CSMD2: variants seen among roughly 807,000 people sequenced by gnomAD.
CSMD2 encodes the protein CUB and Sushi multiple domains 2.
CSMD2 carries 130 observed loss-of-function variants against 398.5 expected under a neutral mutation model. That is an observed-to-expected ratio of 0.33 (90% CI 0.28 to 0.38). The LOEUF (loss-of-function observed/expected upper bound fraction) is 0.38, where lower values mean the gene tolerates loss of function less well. Ranked by LOEUF, CSMD2 falls within the 10% of genes least tolerant of loss-of-function variation. The pLI is 1.00. For synonymous variants in CSMD2, 1,828 were observed against 1,908.5 expected, an observed-to-expected ratio of 0.96 and a Z score of 1.10; for missense variants, 3,829 against 4,764.9, an observed-to-expected ratio of 0.80 and a Z score of 5.78.
At chr1:34,080,404 AT>A (rs1156607563) in intron 2 of CSMD2, among the ~76,000 whole-genome samples, 3 of 152,036 alleles carry the variant, frequency 2.0e-5, no homozygotes, top group African/African-American at 7.2e-5. Flanking sequence ...TAATAACATA[AT>A]TTTTTCACCT....
chr1:33,589,661 A>C (rs938563486), intron 44 of CSMD2, among the ~76,000 whole-genome samples: 13 of 152,206 alleles, frequency 8.5e-5, no homozygotes, highest in African/African-American at 2.9e-4. Flanking sequence ...GCGTGACAAA[A>C]CAGTGCCTCT....
intron 5 of CSMD2, among the ~76,000 whole-genome samples, chr1:33,913,968 T>C (rs1462380271): frequency 6.6e-6 from 1 of 152,046 alleles, no homozygotes; most frequent in Non-Finnish European, 1.5e-5. Flanking sequence ...GGGCTGGAGA[T>C]CACTTCTACT....
At chr1:33,598,188 A>C (rs1400032548) in intron 44 of CSMD2, among the ~76,000 whole-genome samples, 3 of 152,230 alleles carry the variant, frequency 2.0e-5, no homozygotes, top group Non-Finnish European at 2.9e-5. Flanking sequence ...TCTTAGGCTC[A>C]ATGATGGTGT....
At chr1:33,583,558 A>G in intron 47 of CSMD2, 84 bp downstream of exon 47, 1 of 1,381,684 alleles carries the variant, frequency 7.2e-7, no homozygotes, top group Non-Finnish European at 1.0e-6. Flanking sequence ...CCCTGATAGG[A>G]AAACTGCAGC....
At chr1:33,619,075 C>A (rs1641587543) in intron 37 of CSMD2, among the ~76,000 whole-genome samples, 1 of 152,248 alleles carries the variant, frequency 6.6e-6, no homozygotes, top group Non-Finnish European at 1.5e-5. Flanking sequence ...GGTGCAGGCA[C>A]TTCACATGCA....
chr1:33,600,813 G>A, intron 44 of CSMD2, 52 bp downstream of exon 44: 1 of 1,582,658 alleles, frequency 6.3e-7, no homozygotes. Context: ...GTCAAGCTCA[G>A]CCTTGACTTG....
At chr1:33,854,716 G>A (rs192184052) in intron 5 of CSMD2, among the ~76,000 whole-genome samples, 1 of 152,318 alleles carries the variant, frequency 6.6e-6, no homozygotes, top group Admixed American at 6.5e-5. Context: ...CAAATTATCA[G>A]AACTCTTTCT....
Position 33,902,623 on chromosome 1 carries a change from TG to T in CSMD2, c.920+15470del, listed in dbSNP as rs1429917458. 3.3e-5 allele frequency among the ~76,000 whole-genome samples: 5 copies of T among 152,314 alleles called. No homozygotes were observed. In the East Asian group the frequency reaches 7.7e-4, roughly 24 times the overall value. ...CCCTTTATCCCTGCACCTTTTTTTC[TG>T]GCCCGGAGATTAATGTCCACAAACC... is the stretch of plus-strand genomic sequence containing the variant. On this transcript the variant is annotated intron_variant, in intron 5 of 70. Coordinates refer to ENST00000373381, the MANE Select transcript of CSMD2 (RefSeq NM_001281956.2).
At chr1:34,141,012 C>CCTCCTGTG (rs1018937954) in intron 1 of CSMD2, among the ~76,000 whole-genome samples, 15 of 152,076 alleles carry the variant, frequency 9.9e-5, no homozygotes, top group African/African-American at 3.4e-4. Flanking sequence ...CTTCTCATTT[C>CCTCCTGTG]CTCCTGTGAA....
intron 1 of CSMD2, among the ~76,000 whole-genome samples, chr1:34,113,434 T>C (rs1661293121): frequency 6.6e-6 from 1 of 152,242 alleles, no homozygotes; most frequent in South Asian, 2.1e-4. Flanking sequence ...ATGAATAATA[T>C]GCAAGACGCA....
chr1:33,721,607 C>T (rs1450525612), intron 19 of CSMD2, among the ~76,000 whole-genome samples: 1 of 152,146 alleles, frequency 6.6e-6, no homozygotes, highest in Non-Finnish European at 1.5e-5. Context: ...GGACACTGTT[C>T]CAGCCCTCCC....
At chr1:33,729,396 G>A (rs1166207542) in intron 15 of CSMD2, among the ~76,000 whole-genome samples, 4 of 149,018 alleles carry the variant, frequency 2.7e-5, no homozygotes, top group African/African-American at 9.9e-5. Context: ...TTTCTCTGTT[G>A]TTCATCTTCA....
intron 51 of CSMD2, among the ~76,000 whole-genome samples, chr1:33,570,978 G>A (rs969547826): frequency 6.6e-6 from 1 of 152,114 alleles, no homozygotes; most frequent in South Asian, 2.1e-4. Context: ...CCCCTAATAA[G>A]CCTCTGTCTC....
At chr1:33,674,055 C>T (rs1162963269) in intron 25 of CSMD2, among the ~76,000 whole-genome samples, 1 of 152,124 alleles carries the variant, frequency 6.6e-6, no homozygotes, top group Non-Finnish European at 1.5e-5. Context: ...CATCAACTAA[C>T]GAGCAAAATA....
At chr1:34,068,191 T>C (rs1042507694) in intron 2 of CSMD2, among the ~76,000 whole-genome samples, 2 of 152,208 alleles carry the variant, frequency 1.3e-5, no homozygotes, top group African/African-American at 4.8e-5. Flanking sequence ...TCTCCTTCCT[T>C]CAAGTGAACA....
At chr1:33,536,954 C>T in intron 62 of CSMD2, 68 bp downstream of exon 62, 1 of 1,478,272 alleles carries the variant, frequency 6.8e-7, no homozygotes, top group South Asian at 1.1e-5. Context: ...GTCTCTGGGT[C>T]CTCTTATGTT....
intron 2 of CSMD2, among the ~76,000 whole-genome samples, chr1:34,035,480 G>T (rs1246062190): frequency 6.6e-6 from 1 of 152,064 alleles, no homozygotes; most frequent in Non-Finnish European, 1.5e-5. Flanking sequence ...GGAGAATTCA[G>T]CAATATATAA....
chr1:34,015,288 A>T (rs1446269579), intron 3 of CSMD2, among the ~76,000 whole-genome samples: 1 of 152,222 alleles, frequency 6.6e-6, no homozygotes, highest in Admixed American at 6.5e-5. Context: ...TTATCTCATT[A>T]TGCTCATACC....
intron 5 of CSMD2, among the ~76,000 whole-genome samples, chr1:33,848,113 T>C (rs1392739503): frequency 6.6e-6 from 1 of 152,184 alleles, no homozygotes; most frequent in Non-Finnish European, 1.5e-5. Context: ...TAGGTCCTTA[T>C]ATCCTATGTG....
Sources: gnomAD v4.1 joint callset for allele counts (sites outside exome capture counted in the v4.1 genomes callset) on GRCh38, gnomAD v4.1.1 for gene constraint, MANE v1.5 for transcripts, NCBI Gene and HGNC (gene_info 2026-07-23, HGNC 2026-07-21) for gene names.